Variants in OAS1 observed in about 807,000 individuals in gnomAD.
OAS1 encodes the protein 2'-5'-oligoadenylate synthase 1.
In OAS1, 24 loss-of-function variants were observed where a neutral mutation model predicts 38.5. The ratio of observed to expected loss-of-function variants is 0.62; its 90% CI spans 0.45 to 0.88. OAS1 has a LOEUF of 0.88. Ranked by LOEUF, OAS1 falls within the 40% of genes least tolerant of loss-of-function variation. OAS1 has a pLI of 0.00. For missense variants in OAS1, 482 were observed against 493.9 expected (o/e 0.98, Z 0.23); for synonymous variants, 169 against 193.9 (o/e 0.87, Z 1.07).
downstream of OAS1, among the ~76,000 whole-genome samples, chr12:112,923,205 T>A (rs1284946978): frequency 6.6e-6 from 1 of 152,254 alleles, no homozygotes; most frequent in African/African-American, 2.4e-5. Flanking sequence ...AATGCAGTTA[T>A]CTCTTTGATA....
chr12:112,907,263 G>T, intron 1 of OAS1, 44 bp downstream of exon 1: 6 of 1,592,708 alleles, frequency 3.8e-6, no homozygotes, highest in Non-Finnish European at 5.2e-6. Context: ...GGCTGAATGT[G>T]CAAGAGTTGA....
At chr12:112,927,054 C>T (rs1417106496) in intron 6 of OAS1, among the ~76,000 whole-genome samples, 1 of 152,192 alleles carries the variant, frequency 6.6e-6, no homozygotes, top group African/African-American at 2.4e-5. Context: ...CTCCCTTGTT[C>T]CCTGAACATC....
chr12:112,924,591 T>C (rs962899529), downstream of OAS1, among the ~76,000 whole-genome samples: 2 of 152,152 alleles, frequency 1.3e-5, no homozygotes, highest in Non-Finnish European at 2.9e-5. Flanking sequence ...AGGTCTTTCA[T>C]GGTTTTTGTC....
intron 6 of OAS1, among the ~76,000 whole-genome samples, chr12:112,929,647 A>G (rs1297763440): frequency 6.6e-6 from 1 of 152,212 alleles, no homozygotes; most frequent in Non-Finnish European, 1.5e-5. Flanking sequence ...TGCTATTAAC[A>G]TCTTTATTTT....
chr12:112,909,818 C>A (rs1234383459), intron 2 of OAS1, among the ~76,000 whole-genome samples: 1 of 152,194 alleles, frequency 6.6e-6, no homozygotes, highest in Non-Finnish European at 1.5e-5. Context: ...ACACACCGCA[C>A]AAACGGCTAC....
chr12:112,919,942 G>A (rs1196512922), downstream of OAS1: 2 of 491,028 alleles, frequency 4.1e-6, no homozygotes, highest in Non-Finnish European at 7.2e-6. Context: ...ACAGAGCCAA[G>A]AAGTACAGAT....
chr12:112,919,879 A>G lies in OAS1; in HGVS notation c.*326A>G, dbSNP rs1454556033. On this transcript the variant is annotated 3_prime_UTR_variant, in exon 6 of 6. Coordinates refer to ENST00000202917, the MANE Select transcript of OAS1 (RefSeq NM_016816.4). The stretch of plus-strand genomic sequence containing the variant: ...GGGTAATGTCTAATGTATTATCAAT[A>G]ACAATAAAAATAAAGCAAATACCAT... The G allele has an allele frequency of 9.0e-6, 7 of 775,776 alleles. No homozygotes were observed. The highest frequency in any genetic ancestry group is 1.4e-5 in the Non-Finnish European group (7 of 508,802). 48.1% of individuals were successfully genotyped at this position (775,776 alleles called of 1,614,324 possible). A position where few individuals can be genotyped will look rare whatever the true frequency, so the allele number is the denominator to read the frequency against.
downstream of OAS1, among the ~76,000 whole-genome samples, chr12:112,922,328 G>A (rs376433685): frequency 1.2e-4 from 18 of 152,212 alleles, no homozygotes; most frequent in South Asian, 3.1e-3. Context: ...TTATTGGAAT[G>A]GCTCCCCTTA....
intron 2 of OAS1, among the ~76,000 whole-genome samples, chr12:112,910,825 A>G (rs2043365820): frequency 6.6e-6 from 1 of 152,088 alleles, no homozygotes; most frequent in Non-Finnish European, 1.5e-5. Flanking sequence ...GGAACCTGTA[A>G]AGAGGTTGCT....
downstream of OAS1, among the ~76,000 whole-genome samples, chr12:112,922,589 C>A (rs1223394348): frequency 6.6e-6 from 1 of 152,162 alleles, no homozygotes; most frequent in African/African-American, 2.4e-5. Flanking sequence ...TGTAACAGCC[C>A]CTCTTCCCAG....
chr12:112,925,350 C>T (rs952969479), intron 6 of OAS1, among the ~76,000 whole-genome samples: 1 of 152,142 alleles, frequency 6.6e-6, no homozygotes, highest in African/African-American at 2.4e-5. Context: ...TGTGAGGTGC[C>T]AGGGCCCCTC....
At chr12:112,928,072 C>T (rs953813060) in intron 6 of OAS1, among the ~76,000 whole-genome samples, 1 of 152,168 alleles carries the variant, frequency 6.6e-6, no homozygotes, top group Admixed American at 6.5e-5. Context: ...ACGTATTAAG[C>T]CTAGTGCCAG....
chr12:112,922,998 G>A (rs1454134634), downstream of OAS1, among the ~76,000 whole-genome samples: 1 of 152,160 alleles, frequency 6.6e-6, no homozygotes, highest in Non-Finnish European at 1.5e-5. Context: ...TCAAAGTGCT[G>A]GGATCACAGC....
chr12:112,907,317 A>C, intron 1 of OAS1, 98 bp downstream of exon 1: 1 of 1,264,340 alleles, frequency 7.9e-7, no homozygotes, highest in Non-Finnish European at 1.1e-6. Context: ...AAAAACCTAG[A>C]ACCCAGGGTG....
chr12:112,918,004 C>G (rs746288713), intron 5 of OAS1: 16 of 1,146,846 alleles, frequency 1.4e-5, no homozygotes, highest in South Asian at 1.8e-5. Flanking sequence ...AATATGCACT[C>G]TCTCATTAAA....
downstream of OAS1, among the ~76,000 whole-genome samples, chr12:112,920,921 CA>C (rs2043524956): frequency 6.6e-6 from 1 of 152,208 alleles, no homozygotes; most frequent in African/African-American, 2.4e-5. Context: ...CCCAGCTGGT[CA>C]GGGGCAGAGT....
chr12:112,928,842 G>T (rs1328829759), intron 6 of OAS1, among the ~76,000 whole-genome samples: 1 of 152,160 alleles, frequency 6.6e-6, no homozygotes, highest in Non-Finnish European at 1.5e-5. Flanking sequence ...GTGAAATGGG[G>T]GCCAGTGACT....
chr12:112,912,658 G>A (rs916869991), intron 3 of OAS1, among the ~76,000 whole-genome samples: 37 of 152,170 alleles, frequency 2.4e-4, no homozygotes, highest in Non-Finnish European at 4.0e-4. Context: ...GGTGTTTTTG[G>A]TAACCATGGT....
At chr12:112,915,361 T>C (rs1351287114) in intron 3 of OAS1, among the ~76,000 whole-genome samples, 2 of 152,238 alleles carry the variant, frequency 1.3e-5, no homozygotes, top group African/African-American at 2.4e-5. Flanking sequence ...CCTAGGACCA[T>C]TTGTTGAATA....
Sources: allele counts gnomAD v4.1 joint callset (sites outside exome capture counted in the v4.1 genomes callset), GRCh38; gene constraint gnomAD v4.1.1; transcripts MANE v1.5; gene names NCBI Gene and HGNC (gene_info 2026-07-23, HGNC 2026-07-21).